Variants in NT5C1B observed in about 807,000 individuals in gnomAD.
NT5C1B encodes the protein cytosolic 5'-nucleotidase 1B.
A neutral mutation model predicts 57.8 loss-of-function variants in NT5C1B; 44 were observed. The observed-to-expected ratio is 0.76, with a 90% confidence interval of 0.60 to 0.98. NT5C1B has a LOEUF of 0.98. Ranked by LOEUF, NT5C1B falls within the 50% of genes least tolerant of loss-of-function variation. NT5C1B has a pLI of 0.00. For missense variants in NT5C1B, 742 were observed against 719.5 expected (o/e 1.03, Z -0.36); for synonymous variants, 284 against 282.6 (o/e 1.00, Z -0.05).
intron 8 of NT5C1B, among the ~76,000 whole-genome samples, chr2:18,574,079 G>A (rs1665449123): frequency 6.6e-6 from 1 of 152,090 alleles, no homozygotes. Flanking sequence ...TCTGATAAGG[G>A]TTAATTTCCA....
rs746909254 is a variant in NT5C1B at position 18,576,391 on chromosome 2, T to G, written c.1145-23A>C. 9 of 1,601,170 alleles carry G rather than the reference T, an allele frequency of 5.6e-6. No homozygotes were observed. In the East Asian group the frequency reaches 2.0e-4, roughly 36 times the overall value. On this transcript the variant is annotated intron_variant, in intron 7 of 8. Coordinates refer to ENST00000304081, the Ensembl canonical transcript of NT5C1B. ...TACCTGATAGATCATGGAGACTGAT[T>G]AATACTCTTCTCAGGTCCATGAGTT...
intron 5 of NT5C1B, chr2:18,583,285 G>C (rs1302044513): frequency 4.1e-6 from 1 of 242,250 alleles, no homozygotes; most frequent in Admixed American, 5.1e-5. Flanking sequence ...GTAGGGTCAG[G>C]CTAACCCTTT....
chr2:18,573,747 T>G (rs1393455593), intron 8 of NT5C1B, among the ~76,000 whole-genome samples: 3 of 152,164 alleles, frequency 2.0e-5, no homozygotes, highest in Non-Finnish European at 4.4e-5. Flanking sequence ...TCATACATTC[T>G]TTCTCATCAG....
intron 8 of NT5C1B, among the ~76,000 whole-genome samples, chr2:18,567,523 C>G (rs1486589742): frequency 1.3e-5 from 2 of 152,122 alleles, no homozygotes. Flanking sequence ...CAGGGAAGGC[C>G]TGCTGCTGAA....
rs202225134 is a variant in NT5C1B at position 18,586,315 on chromosome 2, C to T, written c.197G>A (p.Arg66Gln). 225 of 1,614,128 alleles carry T rather than the reference C, an allele frequency of 1.4e-4. 1 individual carries two copies. Among genetic ancestry groups the T allele is most frequent in the South Asian group, 2.0e-4 (18 of 91,068 alleles). ...GGATGGAGCCTTGGTGGATGGGCTC[C>T]GGGATATTCTAGACCATTGACTGCG... The change falls in exon 3 of 9, where the codon CGG (arginine) becomes CAG (glutamine). Residue 66 changes from arginine to glutamine, a missense_variant. Coordinates refer to ENST00000304081, the Ensembl canonical transcript of NT5C1B.
chr2:18,564,202 AT>A (rs748313929), intron 8 of NT5C1B, 83 bp from the exon 9 acceptor site: 30 of 1,436,722 alleles, frequency 2.1e-5, no homozygotes, highest in East Asian at 1.8e-4. Flanking sequence ...ATATGATACG[AT>A]ACAATACAAA....
chr2:18,589,253 T>C (rs527567258), intron 1 of NT5C1B, among the ~76,000 whole-genome samples, 186 bp downstream of exon 1: 50 of 152,362 alleles, frequency 3.3e-4, no homozygotes, highest in African/African-American at 9.6e-4. Flanking sequence ...TTCTTTTAAA[T>C]TTCTCCTTCT....
At chr2:18,587,235 A>G in intron 2 of NT5C1B, 1 of 1,542,558 alleles carries the variant, frequency 6.5e-7, no homozygotes, top group Non-Finnish European at 8.7e-7. Context: ...CCCTGATTTG[A>G]ACAAAGACCA....
intron 6 of NT5C1B, among the ~76,000 whole-genome samples, chr2:18,579,232 T>C (rs1201943195): frequency 6.6e-6 from 1 of 152,202 alleles, no homozygotes; most frequent in African/African-American, 2.4e-5. Flanking sequence ...ATTTACAGAT[T>C]CAATGCTATT....
intron 8 of NT5C1B, among the ~76,000 whole-genome samples, chr2:18,570,395 A>C (rs902165319): frequency 1.3e-5 from 2 of 152,156 alleles, no homozygotes; most frequent in East Asian, 3.9e-4. Flanking sequence ...TATCAGAAAT[A>C]AAAGTGGGGA....
chr2:18,563,870 TG>T lies in NT5C1B; in HGVS notation c.1578del (p.His526GlnfsTer11). 1 of 1,613,818 alleles carries T rather than the reference TG, an allele frequency of 6.2e-7. No individual in the cohort carries two copies. The highest frequency in any genetic ancestry group is 2.2e-5 in the East Asian group (1 of 44,872). Reference sequence around the variant, plus strand: ...CTCTGTGCCCCTTCAATGTGGAACATGTGGTCATCAAAGAAGATGTGGGGCC... The same window carrying T: ...CTCTGTGCCCCTTCAATGTGGAACATTGGTCATCAAAGAAGATGTGGGGCC... On this transcript the variant is annotated frameshift_variant, in exon 9 of 9. Transcript: ENST00000304081. LOFTEE classifies it high-confidence loss of function.
At position 18,584,156 on chromosome 2, in the gene NT5C1B, A is replaced by T; in HGVS notation, c.823T>A (p.Tyr275Asn). The change falls in exon 5 of 9, where the codon TAC becomes AAC. Residue 275 changes from tyrosine (Y) to asparagine (N), a missense_variant. Tyr to Asn is a moderately radical substitution (Grantham distance 143, BLOSUM62 -2). Coordinates refer to ENST00000304081, the Ensembl canonical transcript of NT5C1B. This position sits in a 1 kb window ranked among gnomAD's most constrained non-coding sequence, Gnocchi z 5.8. The stretch of plus-strand genomic sequence containing the variant: ...TCATTGGTGAGCTGATACTCCATGT[A>T]CTTTTCCAGACCCTCTTGCTCGTAG... 1 of 1,614,136 alleles carries T rather than the reference A, an allele frequency of 6.2e-7. No homozygotes were observed. The highest frequency in any genetic ancestry group is 8.5e-7 in the Non-Finnish European group (1 of 1,180,032).
intron 2 of NT5C1B, chr2:18,587,150 A>T: frequency 6.2e-7 from 1 of 1,613,778 alleles, no homozygotes; most frequent in Non-Finnish European, 8.5e-7. Flanking sequence ...TCAGCGAGTG[A>T]TTCGGATTGA....
At chr2:18,570,270 G>T (rs1665030278) in intron 8 of NT5C1B, among the ~76,000 whole-genome samples, 1 of 151,988 alleles carries the variant, frequency 6.6e-6, no homozygotes, top group Admixed American at 6.6e-5. Flanking sequence ...CAAATTAACA[G>T]TCTCAGCTTC....
At chr2:18,586,370 G>A (rs375353460) in exon 3 of NT5C1B, 25 of 1,614,034 alleles carry the variant, frequency 1.5e-5, no homozygotes, top group South Asian at 3.3e-5. Context: ...TCTGTCTTCC[G>A]CAGTGATGAT....
At chr2:18,577,280 A>G (rs537703413) in intron 6 of NT5C1B, among the ~76,000 whole-genome samples, 1 of 152,034 alleles carries the variant, frequency 6.6e-6, no homozygotes, top group Non-Finnish European at 1.5e-5. Flanking sequence ...CTTGAGCCCA[A>G]GTGTTTGACT....
intron 8 of NT5C1B, among the ~76,000 whole-genome samples, chr2:18,565,608 A>G (rs994384132): frequency 3.3e-5 from 5 of 152,158 alleles, no homozygotes; most frequent in Admixed American, 2.0e-4. Flanking sequence ...TAGGCAGCCC[A>G]GATAATTATT....
At chr2:18,577,755 A>G (rs1292799104) in intron 6 of NT5C1B, among the ~76,000 whole-genome samples, 2 of 152,068 alleles carry the variant, frequency 1.3e-5, no homozygotes, top group Non-Finnish European at 2.9e-5. Flanking sequence ...AGAAATAACC[A>G]TAATCAGAGC....
rs1478477864 is a variant in NT5C1B at position 18,584,439 on chromosome 2, C to T, written c.723+75G>A. The T allele has an allele frequency of 6.4e-7, 1 of 1,554,490 alleles. No homozygotes were observed. Among genetic ancestry groups the T allele is most frequent in the Non-Finnish European group, 8.7e-7 (1 of 1,151,602 alleles). On this transcript the variant is annotated intron_variant, in intron 4 of 8. Transcript: ENST00000304081. This position sits in a 1 kb window ranked among gnomAD's most constrained non-coding sequence, Gnocchi z 5.8. ...GGAGAAGCGGGAGGACCTCCCTGCG[C>T]AGTGGAGAGGAGGGCGGCTGGAAGA... is the stretch of plus-strand genomic sequence containing the variant.
Sources: allele counts gnomAD v4.1 joint callset (sites outside exome capture counted in the v4.1 genomes callset), GRCh38; gene constraint gnomAD v4.1.1; non-coding constraint Gnocchi (gnomAD v3.1); transcripts MANE v1.5; gene names NCBI Gene and HGNC (gene_info 2026-07-23, HGNC 2026-07-21).